STAU2: variants seen among roughly 807,000 people sequenced by gnomAD.
The protein encoded by STAU2 is staufen double-stranded RNA binding protein 2, also known as double-stranded RNA-binding protein Staufen homolog 2.
In STAU2, 20 loss-of-function variants were observed where a neutral mutation model predicts 65.9. That is an observed-to-expected ratio of 0.30 (90% CI 0.21 to 0.44). The LOEUF is 0.44. Among genes scored for constraint, STAU2 ranks in the 20% least tolerant of loss-of-function variants. The probability of loss-of-function intolerance (pLI) is 1.00; values close to 1 mark genes in which losing one functional copy is unlikely to be tolerated. For synonymous variants in STAU2, 232 were observed against 233.9 expected, an observed-to-expected ratio of 0.99 and a Z score of 0.07; for missense variants, 558 against 683.9, an observed-to-expected ratio of 0.82 and a Z score of 2.05.
chr8:73,433,712 G>T (rs1376379297), intron 13 of STAU2, among the ~76,000 whole-genome samples: 1 of 151,906 alleles, frequency 6.6e-6, no homozygotes, highest in Non-Finnish European at 1.5e-5. Context: ...TGTTGGCCAG[G>T]CTGGTCTCGA....
intron 9 of STAU2, among the ~76,000 whole-genome samples, chr8:73,605,877 A>G (rs1811985860): frequency 4.3e-5 from 1 of 23,204 alleles, no homozygotes; most frequent in Non-Finnish European, 1.0e-4. Flanking sequence ...ACACACACAC[A>G]TACACACACA....
chr8:73,487,575 G>A (rs1474501746), intron 13 of STAU2, among the ~76,000 whole-genome samples: 1 of 152,054 alleles, frequency 6.6e-6, no homozygotes. Flanking sequence ...TAATGTCCAA[G>A]TCTTGCCTGA....
intron 13 of STAU2, among the ~76,000 whole-genome samples, chr8:73,488,639 A>G (rs1821028719): frequency 6.6e-6 from 1 of 151,508 alleles, no homozygotes; most frequent in Non-Finnish European, 1.5e-5. Context: ...TTCATTTATG[A>G]GTTGCTTTTA....
At chr8:73,544,953 A>G (rs1225307479) in intron 13 of STAU2, among the ~76,000 whole-genome samples, 1 of 152,172 alleles carries the variant, frequency 6.6e-6, no homozygotes, top group Non-Finnish European at 1.5e-5. Context: ...TCCAAAGTTT[A>G]GCATGTTTAG....
At chr8:73,736,477 T>A (rs975853728) in intron 3 of STAU2, among the ~76,000 whole-genome samples, 14 of 152,188 alleles carry the variant, frequency 9.2e-5, no homozygotes, top group Admixed American at 6.5e-4. Context: ...AATGTCATGT[T>A]ATTAAACTAA....
At chr8:73,552,374 C>T in intron 12 of STAU2, 55 bp from the exon 13 acceptor site, 9 of 1,464,296 alleles carry the variant, frequency 6.1e-6, no homozygotes, top group Non-Finnish European at 7.4e-6. Flanking sequence ...GAAATAGAAA[C>T]ATAGCATTAT....
At chr8:73,493,269 T>C (rs1005659859) in intron 13 of STAU2, among the ~76,000 whole-genome samples, 1 of 151,692 alleles carries the variant, frequency 6.6e-6, no homozygotes, top group Non-Finnish European at 1.5e-5. Flanking sequence ...AAAAAACTGA[T>C]AAATTGAACT....
At chr8:73,626,211 G>A (rs527967923) in intron 6 of STAU2, among the ~76,000 whole-genome samples, 3 of 152,246 alleles carry the variant, frequency 2.0e-5, no homozygotes, top group East Asian at 1.9e-4. Context: ...ACACAGATTT[G>A]AATAAAGTGA....
rs531363871 is a variant in STAU2 at position 73,572,121 on chromosome 8, C to T, written c.1222+10649G>A. 2.2e-4 allele frequency among the ~76,000 whole-genome samples: 33 copies of T among 152,332 alleles called. No homozygotes were observed. The East Asian group carries it at 5.6e-3, about 26-fold the overall frequency. On this transcript the variant is annotated intron_variant, in intron 12 of 14. Transcript: ENST00000524300. ...CTACCATCAGAGAATACTATAAACA[C>T]CTCTACGCAAATAAACTAGAAAATC...
intron 13 of STAU2, among the ~76,000 whole-genome samples, chr8:73,490,882 CA>C (rs11312809): frequency 0.39 from 58,768 of 151,798 alleles, 12,973 homozygotes; most frequent in Non-Finnish European, 0.49. Flanking sequence ...ACAAAAATCA[CA>C]AAAATTAGAG....
intron 13 of STAU2, among the ~76,000 whole-genome samples, chr8:73,499,173 T>C (rs762162297): frequency 1.3e-5 from 2 of 151,844 alleles, no homozygotes; most frequent in African/African-American, 2.4e-5. Flanking sequence ...GATTTTGCAC[T>C]TGCCAGCCCT....
chr8:73,453,655 T>A (rs377160275), intron 13 of STAU2, among the ~76,000 whole-genome samples: 20 of 152,132 alleles, frequency 1.3e-4, no homozygotes, highest in Non-Finnish European at 2.8e-4. Context: ...AATAGATACC[T>A]CTTTTTAGAG....
chr8:73,681,874 G>T (rs1416747397), intron 5 of STAU2, among the ~76,000 whole-genome samples: 1 of 152,070 alleles, frequency 6.6e-6, no homozygotes, highest in East Asian at 1.9e-4. Context: ...AGTTAAAAAT[G>T]ACAAAGAGGG....
At chr8:73,736,976 T>C (rs1029354682) in intron 3 of STAU2, among the ~76,000 whole-genome samples, 5 of 152,198 alleles carry the variant, frequency 3.3e-5, no homozygotes, top group African/African-American at 4.8e-5. Context: ...GCAACTCTTC[T>C]GCCTCAGCCT....
At chr8:73,551,414 T>C in intron 13 of STAU2, 1 of 987,130 alleles carries the variant, frequency 1.0e-6, no homozygotes, top group Admixed American at 6.1e-5. Context: ...GTTCAAAACA[T>C]GATCCAGTAA....
intron 13 of STAU2, chr8:73,550,025 G>C (rs1307957748): frequency 1.0e-6 from 1 of 985,396 alleles, no homozygotes; most frequent in African/African-American, 1.7e-5. Context: ...ATGAAGATGG[G>C]CTATGCATGT....
chr8:73,449,169 AG>A (rs769427235), intron 13 of STAU2, among the ~76,000 whole-genome samples: 2 of 152,232 alleles, frequency 1.3e-5, no homozygotes, highest in Non-Finnish European at 2.9e-5. Flanking sequence ...CGGGCGAGTT[AG>A]GCCGCAAGCA....
intron 13 of STAU2, chr8:73,458,647 T>C (rs1407991457): frequency 1.3e-5 from 2 of 152,258 alleles, no homozygotes; most frequent in African/African-American, 4.8e-5. Context: ...TGGTTTATTC[T>C]GAACCCATTC....
At chr8:73,588,374 T>G (rs375272129) in intron 11 of STAU2, among the ~76,000 whole-genome samples, 1 of 152,090 alleles carries the variant, frequency 6.6e-6, no homozygotes, top group Non-Finnish European at 1.5e-5. Flanking sequence ...AGCATGATAG[T>G]TTAGAAAAAC....
Sources: allele counts gnomAD v4.1 joint callset (sites outside exome capture counted in the v4.1 genomes callset), GRCh38; gene constraint gnomAD v4.1.1; transcripts MANE v1.5; gene names NCBI Gene and HGNC (gene_info 2026-07-23, HGNC 2026-07-21).